TRIM34: variants seen among roughly 807,000 people sequenced by gnomAD.
TRIM34 encodes the protein tripartite motif containing 34, also known as E3 ubiquitin-protein ligase TRIM34.
A neutral mutation model predicts 38.1 loss-of-function variants in TRIM34; 41 were observed. That is an observed-to-expected ratio of 1.08 (90% CI 0.84 to 1.40). TRIM34 has a LOEUF of 1.40. Among genes scored for constraint, TRIM34 ranks in the 40% most tolerant of loss-of-function variants. TRIM34 has a pLI of 0.00. For missense variants in TRIM34, 556 were observed against 571.4 expected (o/e 0.97, Z 0.27); for synonymous variants, 200 against 202.5 (o/e 0.99, Z 0.10).
At chr11:5,635,690 C>T (rs768560113) in intron 4 of TRIM34, among the ~76,000 whole-genome samples, 1 of 152,134 alleles carries the variant, frequency 6.6e-6, no homozygotes, top group African/African-American at 2.4e-5. Context: ...AGATTTGGAA[C>T]GAAGCAGGAG....
chr11:5,632,229 A>T lies in TRIM34; in HGVS notation c.-77-26A>T, dbSNP rs536806512. On this transcript the variant is annotated intron_variant, in intron 1 of 7. Transcript: ENST00000429814. ...AATGCTTTTTATTTGTACCATTCTT[A>T]TACCATCCCCTTTCAATCTTCTCAG... is the stretch of plus-strand genomic sequence containing the variant. 4 of 1,570,008 alleles carry T rather than the reference A, an allele frequency of 2.5e-6. No homozygotes were observed. The African/African-American group carries it at 4.1e-5, about 16-fold the overall frequency.
intron 4 of TRIM34, among the ~76,000 whole-genome samples, chr11:5,638,213 A>T (rs1030806068): frequency 1.3e-5 from 2 of 152,250 alleles, no homozygotes; most frequent in Non-Finnish European, 2.9e-5. Context: ...GCAGAAAATA[A>T]TATCAGTGAA....
In TRIM34 at chr11:5,632,250, C is replaced by A; in HGVS notation, c.-77-5C>A. 1 of 1,590,352 alleles carries A rather than the reference C, an allele frequency of 6.3e-7. No individual in the cohort carries two copies. Among genetic ancestry groups the A allele is most frequent in the East Asian group, 2.2e-5 (1 of 44,758 alleles). On this transcript the variant is annotated splice_region_variant and splice_polypyrimidine_tract_variant and intron_variant, in intron 1 of 7. Transcript: ENST00000429814. ...TCTTATACCATCCCCTTTCAATCTTCTCAGCCATCCAGGGGTCTTTAACCA... is the reference window on the plus strand; with the variant it reads ...TCTTATACCATCCCCTTTCAATCTTATCAGCCATCCAGGGGTCTTTAACCA...
chr11:5,635,375 A>G (rs546873590), intron 4 of TRIM34, among the ~76,000 whole-genome samples: 6 of 150,910 alleles, frequency 4.0e-5, no homozygotes, highest in Non-Finnish European at 7.4e-5. Flanking sequence ...CCTGCCCAGC[A>G]TCCCGAGTAG....
At chr11:5,637,154 CAG>C (rs148601214) in intron 4 of TRIM34, among the ~76,000 whole-genome samples, 35,342 of 151,762 alleles carry the variant, frequency 0.23, 4,555 homozygotes, top group East Asian at 0.47. Context: ...GCCTGGGCGA[CAG>C]AGCGAGACTC....
Position 5,633,877 on chromosome 11 carries a change from GA to G in TRIM34, c.498del (p.Glu167LysfsTer28), listed in dbSNP as rs766581436. On this transcript the variant is annotated frameshift_variant, in exon 3 of 8. Transcript: ENST00000429814. Reference protein sequence around the residue: ...EEAEKLEADIREEKTSWKYQV... With the variant: ...EEAEKLEADIXEEKTSWKYQV... ...GCTGAGAAGCTGGAAGCTGACATCA[GA>G]GAAGAGAAAACTTCCTGGAAGGCAA... is the stretch of plus-strand genomic sequence containing the variant. The G allele has an allele frequency of 8.1e-6, 13 of 1,614,070 alleles. 1 individual carries two copies. The South Asian group carries it at 1.3e-4, about 16-fold the overall frequency.
At chr11:5,636,929 G>A (rs1210389143) in intron 4 of TRIM34, among the ~76,000 whole-genome samples, 1 of 152,148 alleles carries the variant, frequency 6.6e-6, no homozygotes, top group Admixed American at 6.5e-5. Flanking sequence ...GGTGGATCAC[G>A]AGGTCAGGAG....
At position 5,644,304 on chromosome 11, in the gene TRIM34, T is replaced by C. The variant is rs1444874193; in HGVS notation, c.*595T>C. 6 of 398,606 alleles carry C rather than the reference T, an allele frequency of 1.5e-5. 1 individual carries two copies. Among genetic ancestry groups the C allele is most frequent in the Non-Finnish European group, 1.3e-5 (3 of 226,168 alleles). 24.7% of individuals were successfully genotyped at this position (398,606 alleles called of 1,614,324 possible). On this transcript the variant is annotated 3_prime_UTR_variant, in exon 8 of 8. Coordinates refer to ENST00000429814, the MANE Select transcript of TRIM34 (RefSeq NM_021616.6). ...TGGGATTTAAGACTGTACCTAACTA[T>C]TAAGATCACTGTGTAAAACTAAGTG...
In TRIM34 at chr11:5,632,678, G is replaced by C. The variant is rs753677744; in HGVS notation, c.347G>C (p.Cys116Ser). The C allele has an allele frequency of 6.2e-7, 1 of 1,612,860 alleles. No homozygotes were observed. The change falls in exon 2 of 8, where the codon TGC (cysteine) becomes TCC (serine). Residue 116 changes from cysteine to serine, a missense_variant. Transcript: ENST00000429814. Reference sequence around the variant, plus strand: ...TGTAAGGAGGATAGGAAAGTCATTTGCTGGCTTTGTGAGCGGTCTCAGGAG... The same window carrying C: ...TGTAAGGAGGATAGGAAAGTCATTTCCTGGCTTTGTGAGCGGTCTCAGGAG... ...LFCKEDRKVI[C>S]WLCERSQEHR...
chr11:5,626,134 A>G (rs1849213272), intron 1 of TRIM34, among the ~76,000 whole-genome samples: 1 of 152,236 alleles, frequency 6.6e-6, no homozygotes, highest in African/African-American at 2.4e-5. Context: ...ATGTCTGCCT[A>G]CATACTGACT....
intron 4 of TRIM34, 141 bp downstream of exon 4, chr11:5,635,002 G>C: frequency 1.2e-6 from 1 of 809,538 alleles, no homozygotes; most frequent in Non-Finnish European, 1.9e-6. Flanking sequence ...TCATGGACAT[G>C]AATGACATTT....
chr11:5,631,250 T>C (rs1002813515), intron 1 of TRIM34, among the ~76,000 whole-genome samples: 1 of 152,164 alleles, frequency 6.6e-6, no homozygotes, highest in Non-Finnish European at 1.5e-5. Flanking sequence ...TCCCAACTTA[T>C]GTGGTTTCCT....
intron 2 of TRIM34, among the ~76,000 whole-genome samples, chr11:5,633,458 G>A (rs1023020648): frequency 6.6e-6 from 1 of 152,084 alleles, no homozygotes; most frequent in Middle Eastern, 3.2e-3. Context: ...CCTTCCCAAA[G>A]TTAGCTCTCT....
At chr11:5,631,642 C>A (rs1305870353) in intron 1 of TRIM34, among the ~76,000 whole-genome samples, 1 of 152,144 alleles carries the variant, frequency 6.6e-6, no homozygotes, top group East Asian at 1.9e-4. Flanking sequence ...GCGAGCACTT[C>A]TTCACTGGAA....
chr11:5,633,138 TTTTC>T (rs1849562421), intron 2 of TRIM34, among the ~76,000 whole-genome samples: 4 of 121,316 alleles, frequency 3.3e-5, no homozygotes, highest in African/African-American at 6.1e-5. Flanking sequence ...ATGCCCGGCC[TTTTC>T]TTTCTTTTTT....
intron 1 of TRIM34, among the ~76,000 whole-genome samples, chr11:5,625,931 C>T (rs981020342): frequency 1.3e-5 from 2 of 152,214 alleles, no homozygotes; most frequent in Admixed American, 1.3e-4. Context: ...TCAGAAGGAG[C>T]CCACGGATTT....
In TRIM34 at chr11:5,632,734, G is replaced by T. The variant is rs1474198536; in HGVS notation, c.403G>T (p.Glu135Ter). The T allele has an allele frequency of 1.2e-6, 2 of 1,606,324 alleles. No homozygotes were observed. Among genetic ancestry groups the T allele is most frequent in the South Asian group, 2.2e-5 (2 of 90,528 alleles). Reference sequence around the variant, plus strand: ...TGGTCACCACACAGTCCTCACGGAGGAAGTATTCAAGGAATGTCAGGTAGG... The same window carrying T: ...TGGTCACCACACAGTCCTCACGGAGTAAGTATTCAAGGAATGTCAGGTAGG... Reference protein sequence around the residue: ...HRGHHTVLTEEVFKECQEKLQ... With the variant: ...HRGHHTVLTE The change falls in exon 2 of 8, where the codon GAA becomes TAA. Residue 135 changes from glutamate to a stop codon, truncating the protein, a stop_gained. Transcript: ENST00000429814. LOFTEE classifies it high-confidence loss of function.
intron 1 of TRIM34, among the ~76,000 whole-genome samples, chr11:5,629,888 A>G (rs1849407188): frequency 6.6e-6 from 1 of 152,018 alleles, no homozygotes; most frequent in Non-Finnish European, 1.5e-5. Flanking sequence ...TTGTATTTTT[A>G]GTAGAGATGG....
At position 5,632,289 on chromosome 11, in the gene TRIM34, A is replaced by T; in HGVS notation, c.-43A>T. On this transcript the variant is annotated 5_prime_UTR_variant, in exon 2 of 8. Coordinates refer to ENST00000429814, the MANE Select transcript of TRIM34 (RefSeq NM_021616.6). ...GGTCTTTAACCAGAAGAGAGAGGAGAGCCTCAGGAGTTAGGACCAGAAGAA... is the reference window on the plus strand; with the variant it reads ...GGTCTTTAACCAGAAGAGAGAGGAGTGCCTCAGGAGTTAGGACCAGAAGAA... 1.9e-6 allele frequency: 3 copies of T among 1,613,014 alleles called. No individual in the cohort carries two copies. The highest frequency in any genetic ancestry group is 2.5e-6 in the Non-Finnish European group (3 of 1,179,510).
Sources: gnomAD v4.1 joint callset for allele counts (sites outside exome capture counted in the v4.1 genomes callset) on GRCh38, gnomAD v4.1.1 for gene constraint, MANE v1.5 for transcripts, NCBI Gene and HGNC (gene_info 2026-07-23, HGNC 2026-07-21) for gene names.